Variants in ELAPOR2 observed in about 807,000 individuals in gnomAD.
ELAPOR2 encodes endosome-lysosome associated apoptosis and autophagy regulator family member 2.
ELAPOR2 carries 89 observed loss-of-function variants against 120.7 expected under a neutral mutation model. The observed-to-expected ratio is 0.74, with a 90% CI of 0.62 to 0.88. The LOEUF (loss-of-function observed/expected upper bound fraction) is 0.88. ELAPOR2 is among the 40% of genes least tolerant of loss of function. The pLI, the probability that ELAPOR2 is intolerant of heterozygous loss-of-function variation, is 0.00. For synonymous variants in ELAPOR2, 444 were observed against 444.9 expected (o/e 1.00, Z 0.03); for missense variants, 1,134 against 1,251.6 (o/e 0.91, Z 1.42).
chr7:87,018,101 C>T (rs1204697282), intron 1 of ELAPOR2, among the ~76,000 whole-genome samples: 20 of 151,914 alleles, frequency 1.3e-4, no homozygotes, highest in African/African-American at 1.9e-4. Flanking sequence ...AGTACAGTGG[C>T]GCAATCTCAG....
In ELAPOR2 at chr7:86,926,771, G is replaced by A. The variant is rs1469798008; in HGVS notation, c.1235C>T (p.Pro412Leu). Residue 412 changes from proline (P) to leucine (L), a missense_variant, in exon 9 of 22, where the codon CCC becomes CTC. Around this residue, in one of 3 missense-constraint regions of ELAPOR2, gnomAD observed 831 missense variants for 867.6 expected, o/e 0.96. Transcript: ENST00000450689. ...FYNNGSSSCH[P>L]CPPGTFSDGT... ...ATCTGAAAATGTTCCAGGAGGACAG[G>A]GATGGCAAGAAGATGATCCATTGTT... The A allele has an allele frequency of 6.2e-7, 1 of 1,611,408 alleles. No individual in the cohort carries two copies. The highest frequency in any genetic ancestry group is 1.3e-5 in the African/African-American group (1 of 74,668).
At chr7:87,011,249 CA>C (rs772971682) in intron 1 of ELAPOR2, among the ~76,000 whole-genome samples, 1,322 of 52,946 alleles carry the variant, frequency 0.025, 20 homozygotes, top group African/African-American at 0.066. Context: ...GACTCCATCT[CA>C]AAAAAAAAAA....
intron 2 of ELAPOR2, among the ~76,000 whole-genome samples, chr7:86,961,051 T>G (rs1381407817): frequency 6.6e-6 from 1 of 152,170 alleles, no homozygotes; most frequent in Non-Finnish European, 1.5e-5. Flanking sequence ...ATACTCTGTA[T>G]GAGAAATACA....
At chr7:86,922,106 C>T (rs1410944269) in intron 10 of ELAPOR2, among the ~76,000 whole-genome samples, 1 of 151,944 alleles carries the variant, frequency 6.6e-6, no homozygotes, top group Non-Finnish European at 1.5e-5. Context: ...GAAATACTGC[C>T]TTTTACTGTG....
chr7:86,966,480 C>T (rs990460055), intron 1 of ELAPOR2, among the ~76,000 whole-genome samples: 3 of 151,980 alleles, frequency 2.0e-5, no homozygotes, highest in Non-Finnish European at 2.9e-5. Flanking sequence ...CTCTAAAATC[C>T]ACATTTCTAC....
chr7:87,055,673 AC>A (rs1436225617), intron 1 of ELAPOR2, among the ~76,000 whole-genome samples: 9 of 151,420 alleles, frequency 5.9e-5, no homozygotes, highest in Non-Finnish European at 1.0e-4. Flanking sequence ...TTCTGATCCC[AC>A]CCCCCTCAGT....
Position 86,942,076 on chromosome 7 carries a change from T to C in ELAPOR2, c.683A>G (p.Asp228Gly), listed in dbSNP as rs1790823428. The change falls in exon 5 of 22, where the codon GAC becomes GGC. Residue 228 changes from aspartate to glycine, a missense_variant. Coordinates refer to ENST00000450689, the MANE Select transcript of ELAPOR2 (RefSeq NM_001142749.3). Reference sequence around the variant, plus strand: ...TTTTACCCACTTGTCAGTGGTGGTGTCCATCTCCTGGCACTGATCATTTTG... The same window carrying C: ...TTTTACCCACTTGTCAGTGGTGGTGCCCATCTCCTGGCACTGATCATTTTG... ...FIQNDQCQEM[D>G]TTTDKWVKLT... The C allele has an allele frequency of 1.3e-6, 2 of 1,548,866 alleles. No individual in the cohort carries two copies. Among genetic ancestry groups the C allele is most frequent in the Middle Eastern group, 1.7e-4 (1 of 5,980 alleles).
chr7:86,994,050 A>G (rs1793042477), intron 1 of ELAPOR2, among the ~76,000 whole-genome samples: 1 of 152,184 alleles, frequency 6.6e-6, no homozygotes, highest in South Asian at 2.1e-4. Context: ...CAAAACTTAT[A>G]TTCCTGGCCA....
At chr7:87,023,279 A>T (rs1242171612) in intron 1 of ELAPOR2, among the ~76,000 whole-genome samples, 1 of 152,216 alleles carries the variant, frequency 6.6e-6, no homozygotes, top group East Asian at 1.9e-4. Flanking sequence ...AGCTTTCTAC[A>T]TATGGCTAGC....
intron 2 of ELAPOR2, among the ~76,000 whole-genome samples, chr7:86,953,138 C>T (rs983500163): frequency 5.3e-5 from 8 of 150,030 alleles, no homozygotes; most frequent in African/African-American, 2.0e-4. Flanking sequence ...TAGTTTAATT[C>T]AGGGACATGG....
intron 8 of ELAPOR2, among the ~76,000 whole-genome samples, chr7:86,934,033 T>G (rs994769369): frequency 6.6e-6 from 1 of 152,032 alleles, no homozygotes; most frequent in Admixed American, 6.6e-5. Context: ...CATAAAAATT[T>G]CAACTCAGTA....
intron 1 of ELAPOR2, among the ~76,000 whole-genome samples, chr7:86,972,526 T>G (rs1583928651): frequency 6.6e-6 from 1 of 151,852 alleles, no homozygotes; most frequent in Non-Finnish European, 1.5e-5. Context: ...AGAGAAGAGT[T>G]ATTTCCTCTG....
At chr7:87,038,962 A>T (rs1794675122) in intron 1 of ELAPOR2, among the ~76,000 whole-genome samples, 1 of 152,106 alleles carries the variant, frequency 6.6e-6, no homozygotes. Flanking sequence ...AGAAAATACA[A>T]ACGATCAATG....
chr7:86,922,329 A>G (rs972609135), intron 10 of ELAPOR2, among the ~76,000 whole-genome samples: 1 of 151,692 alleles, frequency 6.6e-6, no homozygotes, highest in African/African-American at 2.4e-5. Context: ...TGAATCTCAT[A>G]TTTTCCATGT....
chr7:86,882,744 C>T (rs1291231511), intron 21 of ELAPOR2, among the ~76,000 whole-genome samples: 3 of 152,082 alleles, frequency 2.0e-5, no homozygotes, highest in Non-Finnish European at 4.4e-5. Flanking sequence ...GAAGGAAAAA[C>T]ACTGGATTGG....
chr7:86,908,626 C>A (rs944128603), intron 16 of ELAPOR2, 83 bp from the exon 17 acceptor site: 3 of 595,106 alleles, frequency 5.0e-6, no homozygotes, highest in Non-Finnish European at 8.7e-6. Flanking sequence ...TAGAAAATAG[C>A]TTTAATGACT....
intron 12 of ELAPOR2, among the ~76,000 whole-genome samples, chr7:86,916,942 T>C (rs955071248): frequency 6.6e-6 from 1 of 151,416 alleles, no homozygotes; most frequent in African/African-American, 2.4e-5. Context: ...GCATGCGCCA[T>C]TGTGGCCAGC....
chr7:86,991,434 T>C (rs1318367448), intron 1 of ELAPOR2, among the ~76,000 whole-genome samples: 3 of 152,180 alleles, frequency 2.0e-5, no homozygotes, highest in Non-Finnish European at 4.4e-5. Context: ...TAAAATTGGT[T>C]CTCACCTCCA....
intron 18 of ELAPOR2, among the ~76,000 whole-genome samples, chr7:86,904,541 C>T (rs1359906783): frequency 6.6e-6 from 1 of 152,260 alleles, no homozygotes; most frequent in East Asian, 1.9e-4. Flanking sequence ...AACACTGTAC[C>T]GTTTTTATCT....
Sources: gnomAD v4.1 joint callset for allele counts (sites outside exome capture counted in the v4.1 genomes callset) on GRCh38, gnomAD v4.1.1 for gene constraint, gnomAD v4.1.1 regional missense constraint, MANE v1.5 for transcripts, NCBI Gene and HGNC (gene_info 2026-07-23, HGNC 2026-07-21) for gene names.